IP6K1: variants seen among roughly 807,000 people sequenced by gnomAD.
IP6K1 encodes the protein ATP:1D-myo-inositol-hexakisphosphate phosphotransferase.
In IP6K1, 13 loss-of-function variants were observed where a neutral mutation model predicts 38.3. The ratio of observed to expected loss-of-function variants is 0.34; its 90% confidence interval spans 0.22 to 0.54. The LOEUF (loss-of-function observed/expected upper bound fraction) is 0.54, where lower values mean the gene tolerates loss of function less well. Among genes scored for constraint, IP6K1 ranks in the 20% least tolerant of loss-of-function variants. The pLI is 0.92. For synonymous variants in IP6K1, 212 were observed against 229.9 expected, an observed-to-expected ratio of 0.92 and a Z score of 0.70; for missense variants, 397 against 599.8, an observed-to-expected ratio of 0.66 and a Z score of 3.53.
intron 1 of IP6K1, among the ~76,000 whole-genome samples, chr3:49,754,638 A>G (rs2080807110): frequency 6.6e-6 from 1 of 152,194 alleles, no homozygotes; most frequent in Admixed American, 6.6e-5. Flanking sequence ...CAACACATCA[A>G]GCCTAGAAAG....
intron 1 of IP6K1, among the ~76,000 whole-genome samples, chr3:49,781,881 G>A (rs887394760): frequency 6.6e-6 from 1 of 151,816 alleles, no homozygotes; most frequent in African/African-American, 2.4e-5. Context: ...CCAGGAGTTA[G>A]AGACCAGCCT....
At chr3:49,762,936 T>G (rs2080879518) in intron 1 of IP6K1, among the ~76,000 whole-genome samples, 1 of 151,864 alleles carries the variant, frequency 6.6e-6, no homozygotes, top group Admixed American at 6.6e-5. Flanking sequence ...CACGCCCAGC[T>G]AATTTGTGTA....
chr3:49,740,161 T>C (rs926054712), intron 2 of IP6K1, among the ~76,000 whole-genome samples: 4 of 146,798 alleles, frequency 2.7e-5, no homozygotes, highest in African/African-American at 1.0e-4. Context: ...CTATAAAATA[T>C]AAAAATAAAA....
intron 1 of IP6K1, among the ~76,000 whole-genome samples, chr3:49,763,653 A>G (rs993993625): frequency 4.6e-5 from 7 of 152,222 alleles, no homozygotes; most frequent in African/African-American, 9.6e-5. Context: ...GAGAAAAGCC[A>G]TAAGATGTAA....
Position 49,726,447 on chromosome 3 carries a change from G to GAAC in IP6K1, c.*674_*675insGTT, listed in dbSNP as rs1362303504. 6.6e-6 allele frequency: 1 copy of GAAC among 152,480 alleles called. No individual in the cohort carries two copies. Among genetic ancestry groups the GAAC allele is most frequent in the Non-Finnish European group, 1.5e-5 (1 of 68,068 alleles). The allele number at this position is 152,480 out of a possible 1,614,324, so 9.4% of individuals were successfully genotyped here. ...GCAAGGGAACTTGGTGAGAGAGGCT[G>GAAC]TTTCAGGAATAGGACAGGTGCCAAC... is the stretch of plus-strand genomic sequence containing the variant. On this transcript the variant is annotated 3_prime_UTR_variant, in exon 6 of 6. Transcript: ENST00000321599.
intron 4 of IP6K1, among the ~76,000 whole-genome samples, chr3:49,732,425 CAT>C (rs2080570445): frequency 6.6e-6 from 1 of 152,174 alleles, no homozygotes; most frequent in Non-Finnish European, 1.5e-5. Flanking sequence ...ACACTAGCCA[CAT>C]GTGATGATTT....
At chr3:49,772,092 C>G (rs1056451211) in intron 1 of IP6K1, among the ~76,000 whole-genome samples, 1 of 151,754 alleles carries the variant, frequency 6.6e-6, no homozygotes, top group Admixed American at 6.6e-5. Flanking sequence ...CACCTGTAGT[C>G]CCAGCTACTT....
chr3:49,745,018 C>T (rs2080708290), intron 2 of IP6K1, among the ~76,000 whole-genome samples: 2 of 151,986 alleles, frequency 1.3e-5, no homozygotes. Flanking sequence ...TGCAAATAAG[C>T]TTTGCCTCAT....
At chr3:49,760,346 G>A (rs2080857277) in intron 1 of IP6K1, among the ~76,000 whole-genome samples, 1 of 152,174 alleles carries the variant, frequency 6.6e-6, no homozygotes, top group African/African-American at 2.4e-5. Context: ...GGTGGAGGCT[G>A]GACGCAGTGG....
At chr3:49,772,304 T>G (rs1028668385) in intron 1 of IP6K1, among the ~76,000 whole-genome samples, 56 of 147,688 alleles carry the variant, frequency 3.8e-4, no homozygotes, top group Admixed American at 8.2e-4. Flanking sequence ...CCTTTTTAAC[T>G]TAATATATTT....
chr3:49,730,389 T>C lies in IP6K1; in HGVS notation c.617-2111A>G, dbSNP rs1220712401. 2.0e-5 allele frequency among the ~76,000 whole-genome samples: 3 copies of C among 152,156 alleles called. No individual in the cohort carries two copies. In the East Asian group the frequency reaches 5.8e-4, roughly 29 times the overall value. On this transcript the variant is annotated intron_variant, in intron 4 of 5. Coordinates refer to ENST00000321599, the MANE Select transcript of IP6K1 (RefSeq NM_153273.4). ...GCAATATGCAAACTAAAGATTTGGA[T>C]ACATCCCTCACCATCAGTGAACCAA...
chr3:49,729,237 A>G (rs1236524493), intron 4 of IP6K1, among the ~76,000 whole-genome samples: 2 of 152,212 alleles, frequency 1.3e-5, no homozygotes, highest in East Asian at 3.8e-4. Context: ...TTCACTTAGC[A>G]GAATGTATTC....
At position 49,725,074 on chromosome 3, in the gene IP6K1, A is replaced by G. The variant is rs2080485896; in HGVS notation, c.*2048T>C. 1 of 152,772 alleles carries G rather than the reference A, an allele frequency of 6.5e-6. No homozygotes were observed. Among genetic ancestry groups the G allele is most frequent in the African/African-American group, 2.4e-5 (1 of 41,548 alleles). The allele number at this position is 152,772 out of a possible 1,614,324, so 9.5% of individuals were successfully genotyped here. A position where few individuals can be genotyped will look rare whatever the true frequency, so the allele number is the denominator to read the frequency against. On this transcript the variant is annotated 3_prime_UTR_variant, in exon 6 of 6. Coordinates refer to ENST00000321599, the MANE Select transcript of IP6K1 (RefSeq NM_153273.4). ...AACAGGGCTGGGTCTCCAGGTGTCC[A>G]AAGTGCTGAAAAGAGGGGCCCTGCT...
intron 2 of IP6K1, among the ~76,000 whole-genome samples, chr3:49,746,663 A>T (rs1298667747): frequency 6.7e-6 from 1 of 149,878 alleles, no homozygotes; most frequent in Non-Finnish European, 1.5e-5. Flanking sequence ...AACAGAGAGA[A>T]ACTCTCAAAA....
chr3:49,763,306 C>T (rs770347163), intron 1 of IP6K1, among the ~76,000 whole-genome samples: 1 of 151,416 alleles, frequency 6.6e-6, no homozygotes, highest in Non-Finnish European at 1.5e-5. Context: ...GGGGTTTCGC[C>T]GTGTTAGCCA....
In IP6K1 at chr3:49,738,363, G is replaced by C. The variant is rs1321857562; in HGVS notation, c.283C>G (p.Pro95Ala). The change falls in exon 3 of 6, where the codon CCT becomes GCT. Residue 95 changes from proline to alanine, a missense_variant. This residue lies in a region of IP6K1 where 171 missense variants were observed against 237.0 expected (regional missense o/e 0.72). Transcript: ENST00000321599. ...SDGYINLVAY[P>A]YVESETVEQD... ...TCCACAGTCTCACTTTCCACATAAG[G>C]ATAGGCCACTAAGTTGATGTAACCA... is the stretch of plus-strand genomic sequence containing the variant. 2 of 1,614,082 alleles carry C rather than the reference G, an allele frequency of 1.2e-6. No individual in the cohort carries two copies. Among genetic ancestry groups the C allele is most frequent in the Non-Finnish European group, 1.7e-6 (2 of 1,180,020 alleles).
intron 1 of IP6K1, among the ~76,000 whole-genome samples, chr3:49,769,720 G>C (rs1333478968): frequency 6.6e-6 from 1 of 152,132 alleles, no homozygotes; most frequent in Non-Finnish European, 1.5e-5. Context: ...AGGCTTCATG[G>C]TTTCTTCCTT....
intron 1 of IP6K1, among the ~76,000 whole-genome samples, chr3:49,761,680 G>A (rs542862268): frequency 6.6e-6 from 1 of 151,522 alleles, no homozygotes; most frequent in East Asian, 1.9e-4. Context: ...AAGGCCAGGT[G>A]TGATGGCTTG....
At position 49,764,363 on chromosome 3, in the gene IP6K1, C is replaced by T. The variant is rs1458957451; in HGVS notation, c.-128-16195G>A. 3.5e-5 allele frequency among the ~76,000 whole-genome samples: 4 copies of T among 115,928 alleles called. No individual in the cohort carries two copies. In the South Asian group the frequency reaches 7.3e-4, roughly 21 times the overall value. 76.1% of individuals were successfully genotyped at this position (115,928 alleles called of 152,430 possible). A position where few individuals can be genotyped will look rare whatever the true frequency, so the allele number is the denominator to read the frequency against. ...TACCACTGCACTGCAGCCTGGGCAA[C>T]GAAGCAAGACCCTGTCTCTAAAACG... On this transcript the variant is annotated intron_variant, in intron 1 of 5. Coordinates refer to ENST00000321599, the MANE Select transcript of IP6K1 (RefSeq NM_153273.4).
Sources: allele counts gnomAD v4.1 joint callset (sites outside exome capture counted in the v4.1 genomes callset), GRCh38; gene constraint gnomAD v4.1.1; regional missense constraint gnomAD v4.1.1; transcripts MANE v1.5; gene names NCBI Gene and HGNC (gene_info 2026-07-23, HGNC 2026-07-21).